Variants in NEU3 observed in about 807,000 individuals in gnomAD.
NEU3 encodes the protein neuraminidase 3, also known as sialidase-3.
A neutral mutation model predicts 11.4 loss-of-function variants in NEU3; 10 were observed. The observed-to-expected ratio is 0.88, with a 90% CI of 0.54 to 1.49. The LOEUF (loss-of-function observed/expected upper bound fraction) is 1.49. NEU3 is among the 40% of genes most tolerant of loss of function. The probability of loss-of-function intolerance (pLI) is 0.00; values close to 1 mark genes in which losing one functional copy is unlikely to be tolerated. For synonymous variants in NEU3, 212 were observed against 228.2 expected (o/e 0.93, Z 0.64); for missense variants, 529 against 581.8 (o/e 0.91, Z 0.93).
At chr11:74,994,775 A>C in intron 2 of NEU3, 55 bp downstream of exon 2, 146 of 1,473,122 alleles carry the variant, frequency 9.9e-5, no homozygotes, top group Non-Finnish European at 1.3e-4. Flanking sequence ...CACAAAGCTC[A>C]GAGCTCTTCA....
At chr11:75,019,165 G>C (rs1345015563), downstream of NEU3, among the ~76,000 whole-genome samples, 1 of 152,198 alleles carries the variant, frequency 6.6e-6, no homozygotes, top group Non-Finnish European at 1.5e-5. Context: ...TAAAAGTTCA[G>C]AAAATTTGCA....
chr11:74,994,366 A>G (rs1048570534), intron 1 of NEU3, 143 bp from the exon 2 acceptor site: 17 of 572,930 alleles, frequency 3.0e-5, no homozygotes, highest in Non-Finnish European at 4.9e-5. Context: ...TTGAGAGCAT[A>G]TGTTATTCTT....
rs1441817746 is a variant in NEU3, at chr11:75,008,878, A to G, written c.*2386A>G. 6.6e-6 allele frequency: 1 copy of G among 152,020 alleles called. No homozygotes were observed. The highest frequency in any genetic ancestry group is 1.5e-5 in the Non-Finnish European group (1 of 68,016). 9.4% of individuals were successfully genotyped at this position (152,020 alleles called of 1,614,324 possible). A position where few individuals can be genotyped will look rare whatever the true frequency, so the allele number is the denominator to read the frequency against. ...CGAGAATATCAACTTCTTTAGGACT[A>G]CTCAAGAAGGGAGTCAAGGCAGGGA... On this transcript the variant is annotated 3_prime_UTR_variant, in exon 3 of 3. Transcript: ENST00000294064.
At chr11:75,016,137 T>C (rs1000713139) in intron 3 of NEU3, among the ~76,000 whole-genome samples, 1 of 152,188 alleles carries the variant, frequency 6.6e-6, no homozygotes, top group Non-Finnish European at 1.5e-5. Context: ...AGCTAGAGAT[T>C]GCTGAACTCC....
chr11:74,993,425 C>T (rs1372932679), intron 1 of NEU3, among the ~76,000 whole-genome samples: 25 of 152,136 alleles, frequency 1.6e-4, no homozygotes, highest in African/African-American at 5.1e-4. Context: ...AGGATGGTCT[C>T]GATCTCCTGA....
At chr11:75,020,320 C>G (rs931557708), downstream of NEU3, among the ~76,000 whole-genome samples, 2 of 152,084 alleles carry the variant, frequency 1.3e-5, no homozygotes, top group African/African-American at 4.8e-5. Context: ...GTTGGGAAGG[C>G]ATGATTGGTT....
chr11:75,011,926 G>A (rs990396175), downstream of NEU3, among the ~76,000 whole-genome samples: 5 of 152,032 alleles, frequency 3.3e-5, no homozygotes, highest in Non-Finnish European at 7.4e-5. Context: ...GCCTGGCTTG[G>A]GTGTTACAGC....
upstream of NEU3, among the ~76,000 whole-genome samples, chr11:74,986,082 A>C (rs934943561): frequency 6.6e-6 from 1 of 152,242 alleles, no homozygotes; most frequent in African/African-American, 2.4e-5. Flanking sequence ...AATCTGCACA[A>C]GTACCATTCT....
chr11:74,993,702 A>G (rs1300105106), intron 1 of NEU3, among the ~76,000 whole-genome samples: 2 of 152,176 alleles, frequency 1.3e-5, no homozygotes, highest in Non-Finnish European at 2.9e-5. Flanking sequence ...GCAGTTATGG[A>G]GTCCGAGAAA....
rs771153617 is a variant in NEU3 at position 75,006,458 on chromosome 11, C to G, written c.1352C>G (p.Pro451Arg). 6.2e-7 allele frequency: 1 copy of G among 1,613,318 alleles called. No homozygotes were observed. Among genetic ancestry groups the G allele is most frequent in the African/African-American group, 1.3e-5 (1 of 75,018 alleles). The change falls in exon 3 of 3, where the codon CCT becomes CGT. Residue 451 changes from proline (P) to arginine (R), a missense_variant. Transcript: ENST00000294064. ...LSHLQGDCTSPGRNPSQFKSN is the reference protein window; with the variant it reads ...LSHLQGDCTSRGRNPSQFKSN ...CACCTGCAGGGGGACTGCACCAGCC[C>G]TGGTAGGAACCCAAGCCAATTCAAA... is the stretch of plus-strand genomic sequence containing the variant.
chr11:74,994,696 G>A lies in NEU3; in HGVS notation c.282G>A (p.Gly94=). The part of the protein sequence containing the change: ...EDALHLVLRR[G]LRIGQLVQWG... ...CTCTCCACCTGGTGCTGAGGCGAGG[G>A]TTGAGGATTGGGCAGTTGGTACAGG... The change falls in exon 2 of 3, where the codon GGG becomes GGA. Residue 94 remains glycine (G), a synonymous_variant. Coordinates refer to ENST00000294064, the MANE Select transcript of NEU3 (RefSeq NM_006656.6). 1 of 1,614,028 alleles carries A rather than the reference G, an allele frequency of 6.2e-7. No individual in the cohort carries two copies. Among genetic ancestry groups the A allele is most frequent in the Non-Finnish European group, 8.5e-7 (1 of 1,179,882 alleles).
At chr11:74,998,273 T>G (rs1237687317) in intron 2 of NEU3, among the ~76,000 whole-genome samples, 1 of 152,196 alleles carries the variant, frequency 6.6e-6, no homozygotes, top group Non-Finnish European at 1.5e-5. Flanking sequence ...ATAATGACAA[T>G]GTTTGAGATA....
chr11:75,002,464 T>C (rs1355445375), intron 2 of NEU3, among the ~76,000 whole-genome samples: 11 of 152,250 alleles, frequency 7.2e-5, no homozygotes, highest in African/African-American at 2.7e-4. Flanking sequence ...CTACCTCTTA[T>C]AGGCAATCAC....
In NEU3 at chr11:75,008,156, G is replaced by T. The variant is rs1338407045; in HGVS notation, c.*1664G>T. Reference sequence around the variant, plus strand: ...ATATTTCTTGAGTGCCTAATACAAGGTACTTTCTACTGCCATTCCTTGGCT... The same window carrying T: ...ATATTTCTTGAGTGCCTAATACAAGTTACTTTCTACTGCCATTCCTTGGCT... On this transcript the variant is annotated 3_prime_UTR_variant, in exon 3 of 3. Transcript: ENST00000294064. 6.6e-6 allele frequency: 1 copy of T among 152,136 alleles called. No homozygotes were observed. The highest frequency in any genetic ancestry group is 2.1e-4 in the South Asian group (1 of 4,826). The allele number at this position is 152,136 out of a possible 1,614,324, so 9.4% of individuals were successfully genotyped here.
At chr11:75,000,266 A>G (rs1948829380) in intron 2 of NEU3, among the ~76,000 whole-genome samples, 2 of 152,238 alleles carry the variant, frequency 1.3e-5, no homozygotes, top group Non-Finnish European at 2.9e-5. Context: ...CATAAATTTT[A>G]CCATCCTAAC....
At chr11:75,000,950 C>A (rs1447939839) in intron 2 of NEU3, among the ~76,000 whole-genome samples, 1 of 151,934 alleles carries the variant, frequency 6.6e-6, no homozygotes, top group Non-Finnish European at 1.5e-5. Flanking sequence ...TCTTTGGGAC[C>A]TTGCTTTTAA....
chr11:74,994,123 A>G lies in NEU3; in HGVS notation c.95-386A>G, dbSNP rs148120767. Among the ~76,000 whole-genome samples, 477 of 152,294 alleles carry G rather than the reference A, an allele frequency of 3.1e-3. 1 individual carries two copies. Among genetic ancestry groups the G allele is most frequent in the Non-Finnish European group, 5.7e-3 (385 of 68,010 alleles). ...AAGTTTTCCCAGAAAATTCTTAACC[A>G]TAGGCATTCACTCATACAGATACCC... On this transcript the variant is annotated intron_variant, in intron 1 of 2. Coordinates refer to ENST00000294064, the MANE Select transcript of NEU3 (RefSeq NM_006656.6).
At chr11:74,993,529 G>A (rs1948754345) in intron 1 of NEU3, among the ~76,000 whole-genome samples, 1 of 152,144 alleles carries the variant, frequency 6.6e-6, no homozygotes, top group Non-Finnish European at 1.5e-5. Flanking sequence ...TTTTGACAGA[G>A]GATGGCATGT....
In NEU3 at chr11:75,010,310, C is replaced by T. The variant is rs180987462; in HGVS notation, c.*3818C>T. ...TGAAGGTAAGGACTATGTCTGATTC[C>T]TCTCTTTGTCCTCTGCACCCAGCGT... On this transcript the variant is annotated 3_prime_UTR_variant, in exon 3 of 3. Coordinates refer to ENST00000294064, the MANE Select transcript of NEU3 (RefSeq NM_006656.6). The T allele has an allele frequency of 5.3e-5, 8 of 152,330 alleles. No homozygotes were observed. In the East Asian group the frequency reaches 5.8e-4, roughly 11 times the overall value. 9.4% of individuals were successfully genotyped at this position (152,330 alleles called of 1,614,324 possible).
Sources: gnomAD v4.1 joint callset for allele counts (sites outside exome capture counted in the v4.1 genomes callset) on GRCh38, gnomAD v4.1.1 for gene constraint, MANE v1.5 for transcripts, NCBI Gene and HGNC (gene_info 2026-07-23, HGNC 2026-07-21) for gene names.